The following ZNF654 variants were observed in gnomAD, a reference collection of about 807,000 sequenced individuals.
ZNF654 encodes melanoma-associated antigen.
Under a neutral mutation model 95.3 loss-of-function variants are expected in ZNF654, and 19 were observed. That is an observed-to-expected ratio of 0.20 (90% CI 0.14 to 0.29). The LOEUF (loss-of-function observed/expected upper bound fraction) is 0.29, where lower values mean the gene tolerates loss of function less well. ZNF654 is among the 10% of genes least tolerant of loss of function. The probability of loss-of-function intolerance (pLI) is 1.00; values close to 1 mark genes in which losing one functional copy is unlikely to be tolerated. For synonymous variants in ZNF654, 413 were observed against 457.9 expected (o/e 0.90, Z 1.25); for missense variants, 1,046 against 1,341.0 (o/e 0.78, Z 3.44).
intron 2 of ZNF654, among the ~76,000 whole-genome samples, chr3:88,100,799 G>A (rs1247644184): frequency 1.3e-5 from 2 of 152,102 alleles, no homozygotes. Context: ...ATCACACAGC[G>A]GGGCCTGTCA....
chr3:88,116,574 A>ACACACACACACACG (rs1326680617), intron 3 of ZNF654, among the ~76,000 whole-genome samples: 2 of 151,158 alleles, frequency 1.3e-5, no homozygotes, highest in African/African-American at 4.9e-5. Context: ...ACACACACAC[A>ACACACACACACACG]CACATGCACA....
rs1206956366 is a variant in ZNF654 at position 88,139,143 on chromosome 3, C to A, written c.1474C>A (p.Gln492Lys). 1.5e-6 allele frequency: 2 copies of A among 1,307,946 alleles called. No homozygotes were observed. The highest frequency in any genetic ancestry group is 3.1e-5 in the African/African-American group (2 of 65,430). The allele number at this position is 1,307,946 out of a possible 1,614,324, so 81.0% of individuals were successfully genotyped here. A position where few individuals can be genotyped will look rare whatever the true frequency, so the allele number is the denominator to read the frequency against. ...NAGNLKRTEE[Q>K]QGLDEGFDSL... The stretch of plus-strand genomic sequence containing the variant: ...AGGTAATCTAAAAAGGACGGAGGAA[C>A]AGCAAGGTTTGGATGAAGGGTTTGA... The change falls in exon 8 of 9, where the codon CAG (glutamine) becomes AAG (lysine). Residue 492 changes from glutamine to lysine, a missense_variant. This residue lies in a region of ZNF654 where 100 missense variants were observed against 108.9 expected (regional missense o/e 0.92). Transcript: ENST00000636215.
chr3:88,121,299 A>T (rs1367307143), intron 3 of ZNF654, among the ~76,000 whole-genome samples: 1 of 152,176 alleles, frequency 6.6e-6, no homozygotes, highest in Non-Finnish European at 1.5e-5. Flanking sequence ...AAAATGTTCC[A>T]GTTGAAAATT....
chr3:88,086,837 C>T (rs1486672885), intron 2 of ZNF654, among the ~76,000 whole-genome samples: 1 of 152,192 alleles, frequency 6.6e-6, no homozygotes, highest in Admixed American at 6.5e-5. Flanking sequence ...GGCTGGAGTG[C>T]AGTGGTGCCA....
At chr3:88,071,154 T>C (rs1379696060) in intron 1 of ZNF654, among the ~76,000 whole-genome samples, 7 of 152,238 alleles carry the variant, frequency 4.6e-5, no homozygotes, top group Admixed American at 4.6e-4. Context: ...AACTATATTA[T>C]GCAGTTCCCC....
At chr3:88,134,806 G>A (rs1330679129) in intron 6 of ZNF654, among the ~76,000 whole-genome samples, 1 of 151,956 alleles carries the variant, frequency 6.6e-6, no homozygotes, top group Non-Finnish European at 1.5e-5. Flanking sequence ...TCTGATACTG[G>A]AGACATCTTA....
intron 2 of ZNF654, among the ~76,000 whole-genome samples, chr3:88,109,413 T>C: frequency 6.6e-6 from 1 of 152,052 alleles, no homozygotes. Context: ...GGGTAAGAGT[T>C]TATTATATTA....
chr3:88,092,418 G>C (rs6793783), intron 2 of ZNF654, among the ~76,000 whole-genome samples: 119,084 of 152,006 alleles, frequency 0.78, 47,567 homozygotes, highest in South Asian at 0.91. Context: ...GAGAATTACA[G>C]AATGCAATGA....
intron 2 of ZNF654, among the ~76,000 whole-genome samples, chr3:88,103,200 A>G (rs1704535884): frequency 6.6e-6 from 1 of 152,176 alleles, no homozygotes; most frequent in Non-Finnish European, 1.5e-5. Context: ...CTATTAAGAG[A>G]TAAAGCAATC....
rs1349867700 is a variant in ZNF654 at position 88,139,879 on chromosome 3, T to C, written c.2210T>C (p.Ile737Thr). The C allele has an allele frequency of 5.0e-6, 8 of 1,610,652 alleles. No individual in the cohort carries two copies. Among genetic ancestry groups the C allele is most frequent in the Non-Finnish European group, 5.1e-6 (6 of 1,178,260 alleles). The change falls in exon 8 of 9, where the codon ATA becomes ACA. Residue 737 changes from isoleucine to threonine, a missense_variant. Around this residue, in one of 9 missense-constraint regions of ZNF654, gnomAD observed 495 missense variants for 537.0 expected, o/e 0.92. Transcript: ENST00000636215. Reference protein sequence around the residue: ...INGTVCHPKDIYATDQEGNFK... With the variant: ...INGTVCHPKDTYATDQEGNFK... ...GGAACTGTGTGCCATCCAAAAGACA[T>C]ATATGCCACAGATCAAGAAGGAAAC...
intron 1 of ZNF654, among the ~76,000 whole-genome samples, chr3:88,076,606 T>A (rs1309625219): frequency 6.6e-6 from 1 of 152,232 alleles, no homozygotes; most frequent in Non-Finnish European, 1.5e-5. Context: ...ACAAATTTAG[T>A]TCTTGAAACC....
intron 1 of ZNF654, among the ~76,000 whole-genome samples, chr3:88,069,800 C>A (rs1358289710): frequency 6.6e-6 from 1 of 152,110 alleles, no homozygotes; most frequent in Non-Finnish European, 1.5e-5. Flanking sequence ...GACTGCAAAC[C>A]AGTAGAAGTT....
rs954436117 is a variant in ZNF654 at position 88,143,243 on chromosome 3, G to A, written c.*1591G>A. The stretch of plus-strand genomic sequence containing the variant: ...TCAGATGATTTTTTTTTAATTTCCC[G>A]GTTTTATTGGTTTATCATCAGCATT... On this transcript the variant is annotated 3_prime_UTR_variant, in exon 9 of 9. Transcript: ENST00000636215. 1.3e-4 allele frequency: 20 copies of A among 151,728 alleles called. No individual in the cohort carries two copies. Among genetic ancestry groups the A allele is most frequent in the African/African-American group, 4.6e-4 (19 of 41,274 alleles). The allele number at this position is 151,728 out of a possible 1,614,324, so 9.4% of individuals were successfully genotyped here. A position where few individuals can be genotyped will look rare whatever the true frequency, so the allele number is the denominator to read the frequency against.
chr3:88,129,498 CATTGTAAA>C (rs1706322295), intron 5 of ZNF654, among the ~76,000 whole-genome samples, 181 bp from the exon 6 acceptor site: 1 of 151,966 alleles, frequency 6.6e-6, no homozygotes, highest in Non-Finnish European at 1.5e-5. Flanking sequence ...TAAAAGTAGT[CATTGTAAA>C]ATGTAGGTGC....
chr3:88,074,411 A>C (rs866761071), intron 1 of ZNF654, among the ~76,000 whole-genome samples: 1 of 145,386 alleles, frequency 6.9e-6, no homozygotes, highest in East Asian at 2.0e-4. Context: ...GCTTGATCTC[A>C]GCTCACTGCA....
intron 7 of ZNF654, 128 bp downstream of exon 7, chr3:88,135,330 C>T: frequency 1.5e-6 from 1 of 656,156 alleles, no homozygotes; most frequent in Non-Finnish European, 2.3e-6. Flanking sequence ...CCACATTCTC[C>T]ATACATTACA....
At chr3:88,137,786 A>T (rs1706887800) in intron 7 of ZNF654, among the ~76,000 whole-genome samples, 1 of 152,160 alleles carries the variant, frequency 6.6e-6, no homozygotes, top group African/African-American at 2.4e-5. Context: ...TGGGAACTGT[A>T]AGTAGTTCTT....
intron 1 of ZNF654, among the ~76,000 whole-genome samples, chr3:88,075,888 T>C (rs4858993): frequency 0.02 from 3,040 of 152,282 alleles, 202 homozygotes; most frequent in Admixed American, 0.14. Flanking sequence ...CTCACTCTTG[T>C]ATCTGACTTA....
intron 2 of ZNF654, among the ~76,000 whole-genome samples, chr3:88,105,145 C>G (rs1704659378): frequency 6.6e-6 from 1 of 152,028 alleles, no homozygotes; most frequent in African/African-American, 2.4e-5. Flanking sequence ...TCTCAGAAAA[C>G]AAACATAAAT....
Sources: gnomAD v4.1 joint callset for allele counts (sites outside exome capture counted in the v4.1 genomes callset) on GRCh38, gnomAD v4.1.1 for gene constraint, gnomAD v4.1.1 regional missense constraint, MANE v1.5 for transcripts, NCBI Gene and HGNC (gene_info 2026-07-23, HGNC 2026-07-21) for gene names.